The following ITSN2 variants were observed in gnomAD, a reference collection of about 807,000 sequenced individuals.
ITSN2 encodes intersectin-2.
Under a neutral mutation model 243.7 loss-of-function variants are expected in ITSN2, and 156 were observed. That is an observed-to-expected ratio of 0.64 (90% CI 0.56 to 0.73). The LOEUF (loss-of-function observed/expected upper bound fraction) is 0.73. Among genes scored for constraint, ITSN2 ranks in the 30% least tolerant of loss-of-function variants. The pLI, the probability that ITSN2 is intolerant of heterozygous loss-of-function variation, is 0.00. For missense variants in ITSN2, 1,801 were observed against 1,996.1 expected (o/e 0.90, Z 1.86); for synonymous variants, 703 against 699.9 (o/e 1.00, Z -0.07).
At chr2:24,214,169 T>C (rs1289210487) in intron 32 of ITSN2, among the ~76,000 whole-genome samples, 1 of 152,248 alleles carries the variant, frequency 6.6e-6, no homozygotes, top group African/African-American at 2.4e-5. Flanking sequence ...GATAGGCTCT[T>C]CTTTTCATGT....
chr2:24,206,449 G>C (rs557074473), intron 37 of ITSN2, among the ~76,000 whole-genome samples: 1 of 151,378 alleles, frequency 6.6e-6, no homozygotes, highest in Non-Finnish European at 1.5e-5. Context: ...GGCCCCCTGT[G>C]GGGTGGAGGC....
At chr2:24,339,201 A>G (rs997666228) in intron 1 of ITSN2, among the ~76,000 whole-genome samples, 1 of 152,090 alleles carries the variant, frequency 6.6e-6, no homozygotes, top group Non-Finnish European at 1.5e-5. Flanking sequence ...CTTAAGAGGT[A>G]CAAGAGGCCA....
chr2:24,349,063 T>G (rs1205439058), intron 1 of ITSN2, among the ~76,000 whole-genome samples: 1 of 152,152 alleles, frequency 6.6e-6, no homozygotes, highest in Non-Finnish European at 1.5e-5. Context: ...GCTCAGGAGT[T>G]TGAGACCAGT....
intron 30 of ITSN2, chr2:24,220,537 A>G: frequency 9.8e-7 from 1 of 1,018,242 alleles, no homozygotes; most frequent in South Asian, 4.5e-5. Context: ...TCCTCCAGAG[A>G]TACCAGTTTA....
chr2:24,285,693 C>T (rs1468765837), intron 16 of ITSN2, among the ~76,000 whole-genome samples: 1 of 152,184 alleles, frequency 6.6e-6, no homozygotes, highest in Non-Finnish European at 1.5e-5. Flanking sequence ...TCTGCCACTG[C>T]GGCAAACAAT....
At position 24,208,242 on chromosome 2, in the gene ITSN2, T is replaced by C. The variant is rs201234803; in HGVS notation, c.4673A>G (p.Tyr1558Cys). Residue 1558 changes from tyrosine to cysteine, a missense_variant, in exon 37 of 40, where the codon TAC becomes TGC. By Grantham distance (194) the Tyr-to-Cys change is radical. Transcript: ENST00000355123. ...DTEKKKREKA[Y>C]QARSQKTSGI... ...CCCTCCGGGCACCCTGATACCTTGG[T>C]AAGCTTTCTCACGCTTCTTCTTCTC... is the stretch of plus-strand genomic sequence containing the variant. The C allele has an allele frequency of 1.7e-4, 275 of 1,612,110 alleles. No individual in the cohort carries two copies. Among genetic ancestry groups the C allele is most frequent in the Admixed American group, 2.3e-4 (14 of 59,966 alleles).
At chr2:24,222,796 C>G (rs998992557) in intron 29 of ITSN2, among the ~76,000 whole-genome samples, 1 of 150,602 alleles carries the variant, frequency 6.6e-6, no homozygotes, top group Non-Finnish European at 1.5e-5. Context: ...CTGCCTCAGC[C>G]TCCTGAGTGG....
In ITSN2 at chr2:24,254,445, A is replaced by C. The variant is rs374810945; in HGVS notation, c.2889-14T>G. The C allele has an allele frequency of 1.4e-5, 21 of 1,497,038 alleles. No homozygotes were observed. The African/African-American group carries it at 2.8e-4, about 20-fold the overall frequency. The allele number at this position is 1,497,038 out of a possible 1,614,324, so 92.7% of individuals were successfully genotyped here. A position where few individuals can be genotyped will look rare whatever the true frequency, so the allele number is the denominator to read the frequency against. The stretch of plus-strand genomic sequence containing the variant: ...AAAGCTTCTGGTCTACCAAATATAT[A>C]AACAAACAAACAAACAAACAAACAA... On this transcript the variant is annotated splice_polypyrimidine_tract_variant and intron_variant, in intron 23 of 39. Coordinates refer to ENST00000355123, the MANE Select transcript of ITSN2 (RefSeq NM_006277.3).
At chr2:24,346,697 C>T (rs2551141) in intron 1 of ITSN2, among the ~76,000 whole-genome samples, 148,779 of 152,134 alleles carry the variant, frequency 0.98, 72,746 homozygotes, top group East Asian at 0.99. Context: ...CTGTTCTACT[C>T]GCTCCATTTT....
At chr2:24,282,665 C>T (rs900332915) in intron 17 of ITSN2, among the ~76,000 whole-genome samples, 3 of 152,174 alleles carry the variant, frequency 2.0e-5, no homozygotes, top group African/African-American at 7.2e-5. Flanking sequence ...CAGAGCCCCA[C>T]AGCCTGCCCA....
chr2:24,309,994 A>AT (rs1017403823), intron 7 of ITSN2, among the ~76,000 whole-genome samples: 11 of 152,302 alleles, frequency 7.2e-5, no homozygotes, highest in African/African-American at 2.4e-4. Context: ...AAATATACAC[A>AT]TTTTTTAAAG....
chr2:24,307,300 G>A (rs1009134353), intron 8 of ITSN2, among the ~76,000 whole-genome samples: 12 of 151,558 alleles, frequency 7.9e-5, no homozygotes, highest in Admixed American at 7.2e-4. Flanking sequence ...ATGACACAGT[G>A]CTAAGACATC....
chr2:24,243,863 T>G (rs1395671560), intron 29 of ITSN2, among the ~76,000 whole-genome samples: 1 of 152,204 alleles, frequency 6.6e-6, no homozygotes, highest in Non-Finnish European at 1.5e-5. Flanking sequence ...AAATTAAAGT[T>G]AAATTAAATT....
intron 1 of ITSN2, among the ~76,000 whole-genome samples, chr2:24,329,142 T>C (rs1275278034): frequency 6.6e-6 from 1 of 152,220 alleles, no homozygotes; most frequent in Non-Finnish European, 1.5e-5. Flanking sequence ...ATGGCTGCTA[T>C]TTTGCAAACA....
At chr2:24,301,804 T>C (rs1202145623) in intron 10 of ITSN2, among the ~76,000 whole-genome samples, 161 bp downstream of exon 10, 1 of 152,208 alleles carries the variant, frequency 6.6e-6, no homozygotes, top group Non-Finnish European at 1.5e-5. Context: ...ATTACAGGCG[T>C]AAGCTGCCAC....
Position 24,301,190 on chromosome 2 carries a change from T to G in ITSN2, c.1045A>C (p.Lys349Gln). 1.2e-6 allele frequency: 2 copies of G among 1,608,878 alleles called. No individual in the cohort carries two copies. Among genetic ancestry groups the G allele is most frequent in the Non-Finnish European group, 1.7e-6 (2 of 1,176,852 alleles). ...TTCTGAGGCTCCTCTTCTTGCATTT[T>G]CTGATATGAAGGCAGAGTTCCATTA... ...SINGTLPSYQ[K>Q]MQEEEPQKKL... The change falls in exon 11 of 40, where the codon AAA becomes CAA. Residue 349 changes from lysine (K) to glutamine (Q), a missense_variant. Physicochemically the swap from Lys to Gln is moderately conservative, Grantham distance 53. Around this residue, in one of 5 missense-constraint regions of ITSN2, gnomAD observed 787 missense variants for 803.9 expected, o/e 0.98. Transcript: ENST00000355123.
At chr2:24,216,868 G>A (rs1335834148) in intron 31 of ITSN2, among the ~76,000 whole-genome samples, 4 of 152,146 alleles carry the variant, frequency 2.6e-5, no homozygotes, top group South Asian at 2.1e-4. Flanking sequence ...GGTGGATCAC[G>A]AGGTCAGGAG....
intron 29 of ITSN2, among the ~76,000 whole-genome samples, chr2:24,232,285 T>C (rs1485726520): frequency 1.3e-5 from 2 of 152,146 alleles, no homozygotes; most frequent in African/African-American, 2.4e-5. Flanking sequence ...TATCAGAAAA[T>C]AGTCATATTC....
At chr2:24,358,268 T>A (rs182224817) in intron 1 of ITSN2, among the ~76,000 whole-genome samples, 6 of 152,302 alleles carry the variant, frequency 3.9e-5, no homozygotes, top group African/African-American at 1.4e-4. Flanking sequence ...AAGGCACAGG[T>A]GCTGCAGTTA....
Sources: allele counts gnomAD v4.1 joint callset (sites outside exome capture counted in the v4.1 genomes callset), GRCh38; gene constraint gnomAD v4.1.1; regional missense constraint gnomAD v4.1.1; transcripts MANE v1.5; gene names NCBI Gene and HGNC (gene_info 2026-07-23, HGNC 2026-07-21).